TTC39B: variants seen among roughly 807,000 people sequenced by gnomAD.
The protein encoded by TTC39B is tetratricopeptide repeat domain 39B.
In TTC39B, 92 loss-of-function variants were observed where a neutral mutation model predicts 96.6. The observed-to-expected ratio is 0.95, with a 90% confidence interval of 0.80 to 1.13. The LOEUF is 1.13. Among genes scored for constraint, TTC39B ranks in the 50% most tolerant of loss-of-function variants. The probability of loss-of-function intolerance (pLI) is 0.00; values close to 1 mark genes in which losing one functional copy is unlikely to be tolerated. For missense variants in TTC39B, 955 were observed against 809.3 expected (o/e 1.18, Z -2.18); for synonymous variants, 367 against 299.4 (o/e 1.23, Z -2.33).
chr9:15,250,296 T>G (rs1188416227), intron 2 of TTC39B: 15 of 822,738 alleles, frequency 1.8e-5, no homozygotes, highest in Non-Finnish European at 2.2e-5. Flanking sequence ...TGTTTAATTA[T>G]CTAGAGAAAC....
chr9:15,273,060 C>T (rs544544216), intron 1 of TTC39B, among the ~76,000 whole-genome samples: 8 of 152,306 alleles, frequency 5.3e-5, no homozygotes, highest in African/African-American at 9.6e-5. Flanking sequence ...CATCTTAACT[C>T]GCTAGCTTTG....
intron 4 of TTC39B, among the ~76,000 whole-genome samples, chr9:15,212,096 A>C (rs966634582): frequency 6.6e-6 from 1 of 152,216 alleles, no homozygotes; most frequent in East Asian, 1.9e-4. Context: ...AAAACTTCTT[A>C]AGCTGTATTA....
intron 19 of TTC39B, 40 bp from the exon 20 acceptor site, chr9:15,172,149 C>G: frequency 2.0e-6 from 3 of 1,467,628 alleles, no homozygotes; most frequent in Non-Finnish European, 9.5e-7. Context: ...TCAAAATTTC[C>G]TTATATACCA....
At chr9:15,164,637 A>C (rs946679292) in exon 20 of TTC39B, 7 of 152,246 alleles carry the variant, frequency 4.6e-5, no homozygotes, top group Admixed American at 3.3e-4. Flanking sequence ...TGTGAATCAA[A>C]AAATGCAAGT....
At chr9:15,292,004 G>A (rs1176822618) in intron 1 of TTC39B, among the ~76,000 whole-genome samples, 1 of 152,238 alleles carries the variant, frequency 6.6e-6, no homozygotes, top group Non-Finnish European at 1.5e-5. Context: ...TGGTGCCTCA[G>A]TGCCTGGCAC....
At chr9:15,199,971 T>C in intron 7 of TTC39B, 46 bp from the exon 8 acceptor site, 2 of 1,150,502 alleles carry the variant, frequency 1.7e-6, no homozygotes, top group South Asian at 1.4e-5. Context: ...GCAAAAAATT[T>C]TAAATTGTCC....
At chr9:15,194,135 C>T (rs1371096821) in intron 8 of TTC39B, among the ~76,000 whole-genome samples, 2 of 152,174 alleles carry the variant, frequency 1.3e-5, no homozygotes, top group Admixed American at 6.5e-5. Context: ...TGACGATTTA[C>T]AATCTTCCAT....
At chr9:15,300,846 C>T (rs867204143) in intron 1 of TTC39B, among the ~76,000 whole-genome samples, 88 of 143,452 alleles carry the variant, frequency 6.1e-4, no homozygotes, top group African/African-American at 2.3e-3. Context: ...GAGCCGAGAT[C>T]CCACTACTTC....
chr9:15,203,916 T>G (rs555030252), intron 6 of TTC39B, 26 bp from the exon 7 acceptor site: 3 of 1,595,200 alleles, frequency 1.9e-6, no homozygotes, highest in East Asian at 4.6e-5. Flanking sequence ...AAAATTATAT[T>G]AAGTAAAATC....
rs112757312 is a variant in TTC39B at position 15,205,518 on chromosome 9, A to G, written c.692-1628T>C. Among the ~76,000 whole-genome samples, 819 of 152,296 alleles carry G rather than the reference A, an allele frequency of 5.4e-3. 8 individuals are homozygous for G. Among genetic ancestry groups the G allele is most frequent in the African/African-American group, 0.018 (737 of 41,552 alleles). On this transcript the variant is annotated intron_variant, in intron 6 of 19. Coordinates refer to ENST00000512701, the Ensembl canonical transcript of TTC39B. Reference sequence around the variant, plus strand: ...GCAGCTAAGGTCTTCAACAGTACACAGAAAGATGGGGCCAAAGCCATTAAC... The same window carrying G: ...GCAGCTAAGGTCTTCAACAGTACACGGAAAGATGGGGCCAAAGCCATTAAC...
intron 1 of TTC39B, among the ~76,000 whole-genome samples, chr9:15,268,317 A>C (rs374751165): frequency 6.6e-6 from 1 of 152,158 alleles, no homozygotes; most frequent in Non-Finnish European, 1.5e-5. Context: ...TTCTTTCTCC[A>C]TGGCTAGCCA....
chr9:15,211,137 C>T lies in TTC39B; in HGVS notation c.614+129G>A, dbSNP rs138898382. ...AAATGGGAATCCTTCAGCTTCGAGG[C>T]TGAATTTCTTTTCTGTAACTGTGGC... On this transcript the variant is annotated intron_variant, in intron 5 of 19. Transcript: ENST00000512701. 1.0e-3 allele frequency: 1,160 copies of T among 1,111,432 alleles called. 13 individuals carry two copies. The African/African-American group carries it at 0.015, about 14-fold the overall frequency. 68.8% of individuals were successfully genotyped at this position (1,111,432 alleles called of 1,614,324 possible).
At chr9:15,231,001 A>C (rs1363734894) in intron 2 of TTC39B, among the ~76,000 whole-genome samples, 5 of 144,490 alleles carry the variant, frequency 3.5e-5, no homozygotes, top group Non-Finnish European at 7.4e-5. Flanking sequence ...AAAAAAAAAC[A>C]AACAAGTTAT....
At chr9:15,177,740 G>T in exon 18 of TTC39B, 1 of 1,612,750 alleles carries the variant, frequency 6.2e-7, no homozygotes, top group South Asian at 1.1e-5. Context: ...TGCAAGGGCC[G>T]CTGTAAGTTC....
At chr9:15,203,823 C>G in exon 7 of TTC39B, 1 of 1,611,044 alleles carries the variant, frequency 6.2e-7, no homozygotes, top group East Asian at 2.2e-5. Flanking sequence ...TATTCATTAC[C>G]TGCACAAACG....
chr9:15,182,857 T>A (rs1288761435), intron 16 of TTC39B, among the ~76,000 whole-genome samples: 1 of 152,214 alleles, frequency 6.6e-6, no homozygotes, highest in Admixed American at 6.5e-5. Context: ...GGGCTTAGGA[T>A]CTTTCATACA....
chr9:15,253,774 C>A (rs1822650946), intron 2 of TTC39B, among the ~76,000 whole-genome samples: 1 of 152,094 alleles, frequency 6.6e-6, no homozygotes, highest in Non-Finnish European at 1.5e-5. Context: ...TCATAACAAT[C>A]AAAACTATCA....
chr9:15,209,682 G>GA (rs1419965532), intron 6 of TTC39B, among the ~76,000 whole-genome samples: 2 of 152,012 alleles, frequency 1.3e-5, no homozygotes, highest in African/African-American at 4.8e-5. Flanking sequence ...TCATATCAGT[G>GA]AAAAAATAAA....
At chr9:15,255,332 A>G (rs1429759064) in intron 2 of TTC39B, among the ~76,000 whole-genome samples, 1 of 151,990 alleles carries the variant, frequency 6.6e-6, no homozygotes, top group Non-Finnish European at 1.5e-5. Context: ...ACCAAATATC[A>G]CTATGCCTTT....
Sources: gnomAD v4.1 joint callset for allele counts (sites outside exome capture counted in the v4.1 genomes callset) on GRCh38, gnomAD v4.1.1 for gene constraint, MANE v1.5 for transcripts, NCBI Gene and HGNC (gene_info 2026-07-23, HGNC 2026-07-21) for gene names.